PEBP4: variants seen among roughly 807,000 people sequenced by gnomAD.
The protein encoded by PEBP4 is phosphatidylethanolamine binding protein 4.
A neutral mutation model predicts 23.9 loss-of-function variants in PEBP4; 22 were observed. That is an observed-to-expected ratio of 0.92 (90% CI 0.66 to 1.31). The LOEUF is 1.31. Ranked by LOEUF, PEBP4 falls within the 40% of genes most tolerant of loss-of-function variation. The pLI is 0.00. For missense variants in PEBP4, 324 were observed against 281.7 expected (o/e 1.15, Z -1.07); for synonymous variants, 112 against 99.3 (o/e 1.13, Z -0.76).
intron 4 of PEBP4, among the ~76,000 whole-genome samples, 186 bp from the exon 5 acceptor site, chr8:22,727,406 A>G (rs1400991933): frequency 6.6e-6 from 1 of 152,112 alleles, no homozygotes; most frequent in Non-Finnish European, 1.5e-5. Context: ...TTTGGGAGAC[A>G]GGGCAGTGAG....
intron 3 of PEBP4, among the ~76,000 whole-genome samples, chr8:22,845,388 T>C (rs1264761127): frequency 7.0e-6 from 1 of 142,812 alleles, no homozygotes; most frequent in Non-Finnish European, 1.5e-5. Context: ...AAAAAAAAAT[T>C]GCTGGGTGTG....
At chr8:22,923,417 A>C (rs1809253721) in intron 2 of PEBP4, among the ~76,000 whole-genome samples, 1 of 152,124 alleles carries the variant, frequency 6.6e-6, no homozygotes, top group South Asian at 2.1e-4. Flanking sequence ...ACATAGAAAA[A>C]ATTAGCCAAG....
chr8:22,868,655 A>T (rs1420196331), intron 3 of PEBP4, among the ~76,000 whole-genome samples: 1 of 152,166 alleles, frequency 6.6e-6, no homozygotes, highest in African/African-American at 2.4e-5. Flanking sequence ...ACTAATGGCA[A>T]CTACGTCCTT....
intron 5 of PEBP4, among the ~76,000 whole-genome samples, chr8:22,725,577 T>A (rs1333751725): frequency 6.9e-6 from 1 of 144,008 alleles, no homozygotes; most frequent in Non-Finnish European, 1.5e-5. Context: ...GCGGGGGAAG[T>A]GGGGTGGGGA....
At chr8:22,726,178 G>T (rs1207495635) in intron 5 of PEBP4, among the ~76,000 whole-genome samples, 1 of 152,296 alleles carries the variant, frequency 6.6e-6, no homozygotes, top group East Asian at 1.9e-4. Context: ...CTGTGTGTGT[G>T]TAAATGCAGG....
At chr8:22,928,820 G>T (rs939654107), upstream of PEBP4, among the ~76,000 whole-genome samples, 15 of 152,172 alleles carry the variant, frequency 9.9e-5, no homozygotes, top group Non-Finnish European at 1.5e-4. Flanking sequence ...TGTCACCGTG[G>T]TGCCTTGCTA....
At chr8:22,849,141 A>AT (rs1221333106) in intron 3 of PEBP4, among the ~76,000 whole-genome samples, 1 of 152,252 alleles carries the variant, frequency 6.6e-6, no homozygotes, top group Non-Finnish European at 1.5e-5. Context: ...ACATAATGAA[A>AT]TGAAGATGAA....
intron 4 of PEBP4, among the ~76,000 whole-genome samples, chr8:22,761,234 G>A (rs1360376090): frequency 3.3e-5 from 5 of 152,108 alleles, no homozygotes; most frequent in African/African-American, 4.8e-5. Flanking sequence ...CTGTGGGGTG[G>A]GGTGTGTGTG....
intron 3 of PEBP4, among the ~76,000 whole-genome samples, chr8:22,919,516 C>G (rs1325233166): frequency 6.6e-6 from 1 of 152,242 alleles, no homozygotes; most frequent in Non-Finnish European, 1.5e-5. Context: ...AGGGCAGCAG[C>G]AGACCCATTT....
At chr8:22,782,809 G>T (rs977540963) in intron 4 of PEBP4, among the ~76,000 whole-genome samples, 4 of 152,304 alleles carry the variant, frequency 2.6e-5, no homozygotes, top group Middle Eastern at 6.8e-3. Flanking sequence ...ACGTTTTAGG[G>T]TATCCTGAGA....
chr8:22,936,061 G>A (rs1175014952), intron 1 of PEBP4, among the ~76,000 whole-genome samples: 1 of 145,256 alleles, frequency 6.9e-6, no homozygotes, highest in Non-Finnish European at 1.5e-5. Flanking sequence ...CTAGCAGAAA[G>A]AAAGAAATAC....
chr8:22,717,452 ATGTATTT>A (rs1563192298), intron 6 of PEBP4, among the ~76,000 whole-genome samples: 2 of 58,174 alleles, frequency 3.4e-5, no homozygotes, highest in Admixed American at 2.2e-4. Flanking sequence ...TTCCGTCCTG[ATGTATTT>A]CCATCCTGAT....
chr8:22,868,023 G>T (rs1807939874), intron 3 of PEBP4, among the ~76,000 whole-genome samples: 1 of 152,196 alleles, frequency 6.6e-6, no homozygotes, highest in Non-Finnish European at 1.5e-5. Flanking sequence ...AGCCCGGCTG[G>T]CAGGGGTCCA....
intron 4 of PEBP4, among the ~76,000 whole-genome samples, chr8:22,778,580 C>A (rs1439342855): frequency 6.6e-6 from 1 of 152,068 alleles, no homozygotes; most frequent in Non-Finnish European, 1.5e-5. Flanking sequence ...TTCCTGCCTT[C>A]CTGTTGTCCC....
chr8:22,748,484 G>A (rs1805177403), intron 4 of PEBP4, among the ~76,000 whole-genome samples: 1 of 151,630 alleles, frequency 6.6e-6, no homozygotes, highest in African/African-American at 2.4e-5. Context: ...AGGGCACTGA[G>A]GACTTGTGAT....
At chr8:22,771,678 A>G (rs1430430681) in intron 4 of PEBP4, among the ~76,000 whole-genome samples, 1 of 152,192 alleles carries the variant, frequency 6.6e-6, no homozygotes, top group Non-Finnish European at 1.5e-5. Flanking sequence ...AGGACTAGCT[A>G]AAACAGGGAT....
intron 3 of PEBP4, among the ~76,000 whole-genome samples, chr8:22,838,661 G>A (rs1197111868): frequency 1.3e-5 from 2 of 152,282 alleles, no homozygotes; most frequent in African/African-American, 4.8e-5. Context: ...GCCGACCCAG[G>A]AAGCCTCGGC....
At position 22,865,641 on chromosome 8, in the gene PEBP4, G is replaced by A. The variant is rs1337464144; in HGVS notation, c.259-47906C>T. Among the ~76,000 whole-genome samples, 1 of 152,172 alleles carries A rather than the reference G, an allele frequency of 6.6e-6. No homozygotes were observed. Among genetic ancestry groups the A allele is most frequent in the Non-Finnish European group, 1.5e-5 (1 of 68,012 alleles). On this transcript the variant is annotated intron_variant, in intron 3 of 6. Transcript: ENST00000256404. This position sits in a 1 kb window ranked among gnomAD's most constrained non-coding sequence, Gnocchi z 6.9. ...CCCCATCCTGCTCAGAAAAGCCTCG[G>A]ATGCTGCCCGGGAGGAGGAGGCAAA...
intron 3 of PEBP4, among the ~76,000 whole-genome samples, chr8:22,879,059 T>G (rs1278367047): frequency 6.6e-6 from 1 of 152,158 alleles, no homozygotes; most frequent in Non-Finnish European, 1.5e-5. Context: ...ATGGGAAACA[T>G]TTTACTATGC....
Sources: gnomAD v4.1 joint callset for allele counts (sites outside exome capture counted in the v4.1 genomes callset) on GRCh38, gnomAD v4.1.1 for gene constraint, Gnocchi (gnomAD v3.1) non-coding constraint, MANE v1.5 for transcripts, NCBI Gene and HGNC (gene_info 2026-07-23, HGNC 2026-07-21) for gene names.